OLFM2: variants seen among roughly 807,000 people sequenced by gnomAD.
OLFM2 encodes the protein olfactomedin 2, also known as noelin-2.
OLFM2 carries 20 observed loss-of-function variants against 43.9 expected under a neutral mutation model. That is an observed-to-expected ratio of 0.46 (90% CI 0.32 to 0.66). The LOEUF (loss-of-function observed/expected upper bound fraction) is 0.66, where lower values mean the gene tolerates loss of function less well. Among genes scored for constraint, OLFM2 ranks in the 30% least tolerant of loss-of-function variants. The probability of loss-of-function intolerance (pLI) is 0.04; values close to 1 mark genes in which losing one functional copy is unlikely to be tolerated. For missense variants in OLFM2, 416 were observed against 643.6 expected, an observed-to-expected ratio of 0.65 and a Z score of 3.83; for synonymous variants, 268 against 278.6, an observed-to-expected ratio of 0.96 and a Z score of 0.38.
chr19:9,855,918 G>T (rs750012986), intron 5 of OLFM2, among the ~76,000 whole-genome samples: 4 of 152,128 alleles, frequency 2.6e-5, no homozygotes. Context: ...GGGAGTCACT[G>T]GGCCCAGGAA....
At position 9,925,042 on chromosome 19, in the gene OLFM2, C is replaced by G. The variant is rs564093794; in HGVS notation, c.63+11262G>C. On this transcript the variant is annotated intron_variant, in intron 1 of 5. Transcript: ENST00000264833. ...CTTTGGGAGGCTGAGGCAGGCAGATCGTTTGAGCCCAGGAGTTGGAGACCA... is the reference window on the plus strand; with the variant it reads ...CTTTGGGAGGCTGAGGCAGGCAGATGGTTTGAGCCCAGGAGTTGGAGACCA... Among the ~76,000 whole-genome samples, 45 of 152,058 alleles carry G rather than the reference C, an allele frequency of 3.0e-4. No individual in the cohort carries two copies. In the South Asian group the frequency reaches 6.7e-3, roughly 23 times the overall value.
chr19:9,897,128 A>C (rs2046692537), intron 1 of OLFM2, among the ~76,000 whole-genome samples: 1 of 152,148 alleles, frequency 6.6e-6, no homozygotes, highest in Non-Finnish European at 1.5e-5. Context: ...CAGGAGTTCA[A>C]GACCAGCCTG....
At chr19:9,914,151 G>A (rs1228978931) in intron 1 of OLFM2, among the ~76,000 whole-genome samples, 9 of 151,838 alleles carry the variant, frequency 5.9e-5, no homozygotes, top group African/African-American at 2.2e-4. Context: ...CTTCGAGCCT[G>A]AGCCGCGGGA....
Position 9,857,585 on chromosome 19 carries a change from C to T in OLFM2, c.361-103G>A, listed in dbSNP as rs1415124102. 5 of 1,556,364 alleles carry T rather than the reference C, an allele frequency of 3.2e-6. No individual in the cohort carries two copies. Among genetic ancestry groups the T allele is most frequent in the Non-Finnish European group, 4.4e-6 (5 of 1,134,994 alleles). ...AACTTCACCCTTTGTCTTTGATGCA[C>T]ACCTGGCCCTTGACATGTGGCTCAT... On this transcript the variant is annotated intron_variant, in intron 3 of 5. Coordinates refer to ENST00000264833, the MANE Select transcript of OLFM2 (RefSeq NM_058164.4). This position sits in a 1 kb window ranked among gnomAD's most constrained non-coding sequence, Gnocchi z 5.7.
At position 9,854,985 on chromosome 19, in the gene OLFM2, T is replaced by A. The variant is rs1376547932; in HGVS notation, c.688-122A>T. ...TGGTCATTAGTCATGGGAACTCTGT[T>A]GACCATTCATTACCAATTATGGCCC... On this transcript the variant is annotated intron_variant, in intron 5 of 5. Transcript: ENST00000264833. The surrounding 1 kb of genome is among the most constrained non-coding windows in gnomAD (Gnocchi z 9.5). The A allele has an allele frequency of 9.7e-6, 7 of 718,852 alleles. No individual in the cohort carries two copies. The highest frequency in any genetic ancestry group is 1.8e-5 in the African/African-American group (1 of 55,936). 44.5% of individuals were successfully genotyped at this position (718,852 alleles called of 1,614,324 possible).
intron 1 of OLFM2, chr19:9,913,672 G>A (rs2046848555): frequency 2.7e-6 from 3 of 1,127,502 alleles, no homozygotes; most frequent in South Asian, 2.9e-5. Flanking sequence ...TCTCTGGCCC[G>A]CCGCGGGGCG....
At chr19:9,904,335 C>G (rs2144982101) in intron 1 of OLFM2, among the ~76,000 whole-genome samples, 1 of 152,044 alleles carries the variant, frequency 6.6e-6, no homozygotes, top group East Asian at 2.0e-4. Context: ...GGATTATAGG[C>G]ATGTACCACC....
At chr19:9,872,345 C>T (rs10425422) in intron 1 of OLFM2, among the ~76,000 whole-genome samples, 38,161 of 151,796 alleles carry the variant, frequency 0.25, 4,917 homozygotes, top group African/African-American at 0.29. Context: ...GACCCTGTCT[C>T]TACCAAAAAT....
Position 9,860,802 on chromosome 19 carries a change from G to C in OLFM2, c.64-8C>G. 1 of 1,600,810 alleles carries C rather than the reference G, an allele frequency of 6.2e-7. No homozygotes were observed. Among genetic ancestry groups the C allele is most frequent in the Non-Finnish European group, 8.5e-7 (1 of 1,176,146 alleles). On this transcript the variant is annotated splice_region_variant and splice_polypyrimidine_tract_variant and intron_variant, in intron 1 of 5. Transcript: ENST00000264833. ...TGGGTTCTGGAAGAGAGTCTGCAAA[G>C]AGGTGGGGGTCAGAGACCGGAATCC... is the stretch of plus-strand genomic sequence containing the variant.
At chr19:9,870,289 G>A (rs950173467) in intron 1 of OLFM2, among the ~76,000 whole-genome samples, 1 of 152,076 alleles carries the variant, frequency 6.6e-6, no homozygotes, top group African/African-American at 2.4e-5. Context: ...GAGGTCAAAC[G>A]GTGTGAGTCT....
chr19:9,907,720 T>C (rs891474581), intron 1 of OLFM2, among the ~76,000 whole-genome samples: 4 of 151,798 alleles, frequency 2.6e-5, no homozygotes, highest in Non-Finnish European at 4.4e-5. Flanking sequence ...GAGACAGATA[T>C]AGGCCGGGCA....
intron 1 of OLFM2, among the ~76,000 whole-genome samples, chr19:9,875,699 TCA>T (rs1190508506): frequency 6.6e-6 from 1 of 151,794 alleles, no homozygotes; most frequent in African/African-American, 2.4e-5. Flanking sequence ...TTGTTTTTTC[TCA>T]CAGAGACAGG....
chr19:9,918,631 T>A (rs2086400440), intron 1 of OLFM2, among the ~76,000 whole-genome samples: 1 of 152,090 alleles, frequency 6.6e-6, no homozygotes, highest in African/African-American at 2.4e-5. Context: ...CATCAACTGG[T>A]GAGTGAATAA....
At chr19:9,873,358 T>C (rs1226287054) in intron 1 of OLFM2, among the ~76,000 whole-genome samples, 1 of 152,166 alleles carries the variant, frequency 6.6e-6, no homozygotes, top group East Asian at 1.9e-4. Context: ...TTCACCATGT[T>C]GCCCAGGCTG....
chr19:9,882,997 G>A (rs923200878), intron 1 of OLFM2, among the ~76,000 whole-genome samples: 7 of 151,298 alleles, frequency 4.6e-5, no homozygotes, highest in Admixed American at 1.3e-4. Flanking sequence ...TTAGGAGGTC[G>A]AGACCAGCCT....
chr19:9,909,596 C>A (rs752231074), intron 1 of OLFM2, among the ~76,000 whole-genome samples: 14 of 152,124 alleles, frequency 9.2e-5, no homozygotes, highest in African/African-American at 3.1e-4. Flanking sequence ...CCACTGAGTT[C>A]CTTTTTAAAG....
chr19:9,893,371 G>A (rs1255353271), intron 1 of OLFM2, among the ~76,000 whole-genome samples: 2 of 151,972 alleles, frequency 1.3e-5, no homozygotes, highest in Non-Finnish European at 2.9e-5. Context: ...CACCATGTTA[G>A]CCAGGGTGGT....
At chr19:9,881,479 A>G (rs1398953111) in intron 1 of OLFM2, among the ~76,000 whole-genome samples, 1 of 152,164 alleles carries the variant, frequency 6.6e-6, no homozygotes, top group East Asian at 1.9e-4. Context: ...GCTGGGCAGC[A>G]TAAGCAACAA....
At position 9,923,132 on chromosome 19, in the gene OLFM2, C is replaced by T. The variant is rs559792075; in HGVS notation, c.63+13172G>A. On this transcript the variant is annotated intron_variant, in intron 1 of 5. Coordinates refer to ENST00000264833, the MANE Select transcript of OLFM2 (RefSeq NM_058164.4). Reference sequence around the variant, plus strand: ...ATATATACAGTTGAGCTTCATGATTCGAAAATTCCAGATTGGCAAATTTGC... The same window carrying T: ...ATATATACAGTTGAGCTTCATGATTTGAAAATTCCAGATTGGCAAATTTGC... Among the ~76,000 whole-genome samples, 11 of 152,086 alleles carry T rather than the reference C, an allele frequency of 7.2e-5. 1 individual carries two copies. The South Asian group carries it at 1.5e-3, about 20-fold the overall frequency.
Sources: gnomAD v4.1 joint callset for allele counts (sites outside exome capture counted in the v4.1 genomes callset) on GRCh38, gnomAD v4.1.1 for gene constraint, Gnocchi (gnomAD v3.1) non-coding constraint, MANE v1.5 for transcripts, NCBI Gene and HGNC (gene_info 2026-07-23, HGNC 2026-07-21) for gene names.